TSPEAR: variants seen among roughly 807,000 people sequenced by gnomAD.
TSPEAR encodes the protein thrombospondin-type laminin G domain and EAR repeat-containing protein.
A neutral mutation model predicts 71.6 loss-of-function variants in TSPEAR; 69 were observed. That is an observed-to-expected ratio of 0.96 (90% CI 0.79 to 1.18). The LOEUF is 1.18. Ranked by LOEUF, TSPEAR falls within the 50% of genes most tolerant of loss-of-function variation. The pLI is 0.00. For synonymous variants in TSPEAR, 402 were observed against 387.2 expected (o/e 1.04, Z -0.45); for missense variants, 971 against 894.9 (o/e 1.09, Z -1.09).
chr21:44,590,074 T>C (rs1312303508), intron 1 of TSPEAR, among the ~76,000 whole-genome samples: 5 of 151,622 alleles, frequency 3.3e-5, no homozygotes, highest in Non-Finnish European at 7.4e-5. Flanking sequence ...TGGGTCTGCC[T>C]GGAGGGGAGT....
At chr21:44,592,528 GTGCT>G in intron 1 of TSPEAR, 3 of 1,565,650 alleles carry the variant, frequency 1.9e-6, no homozygotes, top group African/African-American at 2.7e-5. Flanking sequence ...AGCCTGTGAG[GTGCT>G]GAGGCTCTCG....
rs1451367833 is a variant in TSPEAR, at chr21:44,642,877, G to A, written c.82+68556C>T. On this transcript the variant is annotated intron_variant, in intron 1 of 11. Coordinates refer to ENST00000323084, the MANE Select transcript of TSPEAR (RefSeq NM_144991.3). The surrounding 1 kb of genome is among the most constrained non-coding windows in gnomAD (Gnocchi z 4.1). ...AATTAAAAACTTAAAAATTAAAAATGGAACTACCATGTGATGAGCAATCCC... is the reference window on the plus strand; with the variant it reads ...AATTAAAAACTTAAAAATTAAAAATAGAACTACCATGTGATGAGCAATCCC... Among the ~76,000 whole-genome samples the A allele has an allele frequency of 1.3e-5, 2 of 152,052 alleles. No homozygotes were observed. Among genetic ancestry groups the A allele is most frequent in the African/African-American group, 4.8e-5 (2 of 41,400 alleles).
rs1464747152 is a variant in TSPEAR, at chr21:44,680,710, A to T, written c.82+30723T>A. Among the ~76,000 whole-genome samples the T allele has an allele frequency of 5.9e-5, 9 of 152,364 alleles. No individual in the cohort carries two copies. In the South Asian group the frequency reaches 1.9e-3, roughly 32 times the overall value. ...TTACAATGGAATCTTATTCGGCCAT[A>T]AAAAAGAATGAAGTCCTGCCATTTG... On this transcript the variant is annotated intron_variant, in intron 1 of 11. Transcript: ENST00000323084.
chr21:44,640,434 G>A (rs1281991417), intron 1 of TSPEAR, among the ~76,000 whole-genome samples: 4 of 152,224 alleles, frequency 2.6e-5, no homozygotes, highest in Admixed American at 1.3e-4. Flanking sequence ...TTTTTGGAGT[G>A]GGAATGTTGT....
At position 44,539,360 on chromosome 21, in the gene TSPEAR, C is replaced by T. The variant is rs377199619; in HGVS notation, c.304-5437G>A. ...GAGGAGGGACACGCAGGAGGCCGGGCGGCAGCAGCTGGCCTGGCAGGAGGA... is the reference window on the plus strand; with the variant it reads ...GAGGAGGGACACGCAGGAGGCCGGGTGGCAGCAGCTGGCCTGGCAGGAGGA... On this transcript the variant is annotated intron_variant, in intron 2 of 11. Transcript: ENST00000323084. The T allele has an allele frequency of 7.4e-5, 119 of 1,612,376 alleles. No individual in the cohort carries two copies. Among genetic ancestry groups the T allele is most frequent in the South Asian group, 2.0e-4 (18 of 90,994 alleles).
intron 1 of TSPEAR, among the ~76,000 whole-genome samples, chr21:44,671,943 C>G (rs1480482054): frequency 6.6e-6 from 1 of 151,944 alleles, no homozygotes; most frequent in Non-Finnish European, 1.5e-5. Context: ...ATAAACTATA[C>G]AAATAAACCA....
intron 1 of TSPEAR, chr21:44,666,699 G>C: frequency 6.2e-7 from 1 of 1,613,940 alleles, no homozygotes; most frequent in Non-Finnish European, 8.5e-7. Flanking sequence ...CACACACACA[G>C]AAGACTGGCA....
chr21:44,655,059 G>A (rs1259735070), intron 1 of TSPEAR, among the ~76,000 whole-genome samples: 1 of 152,144 alleles, frequency 6.6e-6, no homozygotes, highest in Non-Finnish European at 1.5e-5. Context: ...CCAAACTACT[G>A]GGCTCTATAT....
At chr21:44,576,751 G>C (rs1210075852) in intron 1 of TSPEAR, among the ~76,000 whole-genome samples, 1 of 152,138 alleles carries the variant, frequency 6.6e-6, no homozygotes, top group Admixed American at 6.5e-5. Context: ...TTTTCCAGGA[G>C]GTGTATAGAA....
At chr21:44,576,955 G>T (rs587634358) in intron 1 of TSPEAR, among the ~76,000 whole-genome samples, 3 of 152,258 alleles carry the variant, frequency 2.0e-5, no homozygotes, top group South Asian at 2.1e-4. Flanking sequence ...ATGCTGCTTG[G>T]CCACACAGAA....
intron 2 of TSPEAR, chr21:44,551,316 G>T: frequency 2.5e-6 from 4 of 1,613,330 alleles, no homozygotes; most frequent in Non-Finnish European, 3.4e-6. Context: ...GCTCACTGGG[G>T]TGCAGACCAG....
At chr21:44,549,712 C>T (rs1328768352) in intron 2 of TSPEAR, among the ~76,000 whole-genome samples, 14 of 152,226 alleles carry the variant, frequency 9.2e-5, no homozygotes, top group African/African-American at 3.1e-4. Flanking sequence ...TGGACCTGTG[C>T]GTCCACGTGT....
At chr21:44,586,175 G>A (rs959734994) in intron 1 of TSPEAR, among the ~76,000 whole-genome samples, 1 of 152,244 alleles carries the variant, frequency 6.6e-6, no homozygotes, top group East Asian at 1.9e-4. Flanking sequence ...AGTTAAAGAC[G>A]CCTGAGTGCC....
intron 1 of TSPEAR, chr21:44,591,260 C>A: frequency 6.8e-7 from 1 of 1,461,190 alleles, no homozygotes; most frequent in South Asian, 1.4e-5. Flanking sequence ...GGGGAGCATC[C>A]TGGTCCCTAA....
intron 1 of TSPEAR, chr21:44,690,702 T>A: frequency 1.7e-6 from 1 of 572,188 alleles, no homozygotes; most frequent in African/African-American, 2.0e-5. Context: ...TAAGTAAGCA[T>A]ATGTGTTTTT....
chr21:44,685,572 C>T lies in TSPEAR; in HGVS notation c.82+25861G>A, dbSNP rs373041384. ...GTGTCCTGTGGCCATTAGTGCTACT[C>T]GTGGGAAGTGGGCACTTCTGAGGTG... On this transcript the variant is annotated intron_variant, in intron 1 of 11. Transcript: ENST00000323084. 1.9e-3 allele frequency among the ~76,000 whole-genome samples: 287 copies of T among 152,224 alleles called. 3 individuals carry two copies. Among genetic ancestry groups the T allele is most frequent in the African/African-American group, 6.4e-3 (264 of 41,548 alleles).
At chr21:44,688,842 G>A (rs1461543945) in intron 1 of TSPEAR, among the ~76,000 whole-genome samples, 22 of 152,218 alleles carry the variant, frequency 1.4e-4, no homozygotes, top group Admixed American at 1.4e-3. Context: ...AGTGGGGAGG[G>A]CTGCAGTGGA....
chr21:44,601,290 T>C (rs389167), intron 1 of TSPEAR: 139,465 of 1,546,312 alleles, frequency 0.09, 11,437 homozygotes, highest in African/African-American at 0.44. Context: ...CCTCCTCCCC[T>C]TGCCAGCAGG....
At chr21:44,579,435 A>C (rs1361851085) in intron 1 of TSPEAR, 1 of 472,186 alleles carries the variant, frequency 2.1e-6, no homozygotes. Context: ...TATCCCCAGG[A>C]GCACTACAGA....
Sources: gnomAD v4.1 joint callset for allele counts (sites outside exome capture counted in the v4.1 genomes callset) on GRCh38, gnomAD v4.1.1 for gene constraint, Gnocchi (gnomAD v3.1) non-coding constraint, MANE v1.5 for transcripts, NCBI Gene and HGNC (gene_info 2026-07-23, HGNC 2026-07-21) for gene names.